Variants in LRP12 observed in about 807,000 individuals in gnomAD.
LRP12 encodes the protein low-density lipoprotein receptor-related protein 12.
In LRP12, 14 loss-of-function variants were observed where a neutral mutation model predicts 66.0. The observed-to-expected ratio is 0.21, with a 90% CI of 0.14 to 0.33. The LOEUF (loss-of-function observed/expected upper bound fraction) is 0.33. Ranked by LOEUF, LRP12 falls within the 10% of genes least tolerant of loss-of-function variation. The pLI, the probability that LRP12 is intolerant of heterozygous loss-of-function variation, is 1.00. For synonymous variants in LRP12, 357 were observed against 359.1 expected (o/e 0.99, Z 0.07); for missense variants, 889 against 1,053.4 (o/e 0.84, Z 2.16).
At chr8:104,548,656 T>TATTATATAATTAAATTAATTATATAATC (rs1288427732) in intron 1 of LRP12, among the ~76,000 whole-genome samples, 1 of 132,824 alleles carries the variant, frequency 7.5e-6, no homozygotes, top group South Asian at 2.3e-4. Flanking sequence ...ATTATATAAT[T>TATTATATAATTAAATTAATTATATAATC]ATTATATAAT....
At chr8:104,539,248 C>G (rs1258879089) in intron 1 of LRP12, among the ~76,000 whole-genome samples, 3 of 151,958 alleles carry the variant, frequency 2.0e-5, no homozygotes, top group African/African-American at 7.3e-5. Flanking sequence ...AATGGCATGG[C>G]ACTTATATTG....
Position 104,589,026 on chromosome 8 carries a change from C to G in LRP12, c.-129G>C. 1.9e-6 allele frequency: 1 copy of G among 525,460 alleles called. No individual in the cohort carries two copies. Among genetic ancestry groups the G allele is most frequent in the Non-Finnish European group, 3.0e-6 (1 of 334,836 alleles). The allele number at this position is 525,460 out of a possible 1,614,324, so 32.5% of individuals were successfully genotyped here. On this transcript the variant is annotated 5_prime_UTR_variant, in exon 1 of 7. Transcript: ENST00000276654. ...GCCACCGGCTGCTCCCTGCGCTCTC[C>G]GCGGCTGCGGGAGGGGGAAGGGAGG... is the stretch of plus-strand genomic sequence containing the variant.
chr8:104,519,716 C>T (rs1409990124), intron 2 of LRP12, among the ~76,000 whole-genome samples: 1 of 152,002 alleles, frequency 6.6e-6, no homozygotes, highest in Non-Finnish European at 1.5e-5. Flanking sequence ...CCATCACTCC[C>T]ACTTAGGACT....
At chr8:104,494,158 T>A (rs753881622) in intron 6 of LRP12, among the ~76,000 whole-genome samples, 13 of 151,216 alleles carry the variant, frequency 8.6e-5, no homozygotes, top group African/African-American at 3.2e-4. Flanking sequence ...GATTCTTACC[T>A]AAAAAAAAAC....
chr8:104,569,846 T>C (rs1008369720), intron 1 of LRP12, among the ~76,000 whole-genome samples: 3 of 152,048 alleles, frequency 2.0e-5, no homozygotes, highest in Admixed American at 6.5e-5. Flanking sequence ...AAAAGGTGTA[T>C]AGTTGGGAAA....
chr8:104,551,534 T>C (rs1002773402), intron 1 of LRP12, among the ~76,000 whole-genome samples: 1 of 152,114 alleles, frequency 6.6e-6, no homozygotes, highest in Non-Finnish European at 1.5e-5. Flanking sequence ...CTACCTCTAG[T>C]AGTCCCCAGT....
intron 1 of LRP12, 74 bp downstream of exon 1, chr8:104,588,745 C>T (rs893011819): frequency 1.5e-6 from 2 of 1,342,208 alleles, no homozygotes; most frequent in Non-Finnish European, 2.1e-6. Flanking sequence ...GGGGAACCCC[C>T]GTCCTGGAGG....
intron 1 of LRP12, among the ~76,000 whole-genome samples, chr8:104,557,483 C>G (rs1463669040): frequency 1.3e-5 from 2 of 151,336 alleles, no homozygotes; most frequent in African/African-American, 4.9e-5. Context: ...TATACACCAA[C>G]AGTAACCAGG....
At chr8:104,558,398 G>A (rs997244719) in intron 1 of LRP12, among the ~76,000 whole-genome samples, 1 of 152,138 alleles carries the variant, frequency 6.6e-6, no homozygotes, top group Non-Finnish European at 1.5e-5. Flanking sequence ...TAATTGGGAG[G>A]TCACATGTAG....
chr8:104,493,844 ACTGGAAGGT>A (rs1458294142), intron 6 of LRP12, among the ~76,000 whole-genome samples: 8 of 152,188 alleles, frequency 5.3e-5, no homozygotes, highest in Non-Finnish European at 1.2e-4. Flanking sequence ...GGAAAGGACA[ACTGGAAGGT>A]CCATGTTTGG....
chr8:104,537,680 C>T (rs1363592708), intron 1 of LRP12, among the ~76,000 whole-genome samples: 1 of 152,078 alleles, frequency 6.6e-6, no homozygotes, highest in Non-Finnish European at 1.5e-5. Context: ...AATAGTACAA[C>T]CACTTTGGAA....
chr8:104,546,386 G>A (rs1811557381), intron 1 of LRP12, among the ~76,000 whole-genome samples: 1 of 152,140 alleles, frequency 6.6e-6, no homozygotes, highest in African/African-American at 2.4e-5. Flanking sequence ...GCTCTCTGAT[G>A]TTCCCTTGTA....
chr8:104,496,541 A>G (rs1266879144), intron 5 of LRP12, among the ~76,000 whole-genome samples: 1 of 152,024 alleles, frequency 6.6e-6, no homozygotes, highest in Non-Finnish European at 1.5e-5. Context: ...ATCTTATTCC[A>G]TGCCCCAATT....
intron 1 of LRP12, among the ~76,000 whole-genome samples, chr8:104,542,579 G>A (rs1811494922): frequency 6.6e-6 from 1 of 152,054 alleles, no homozygotes; most frequent in African/African-American, 2.4e-5. Context: ...GTTGACCCCT[G>A]AACAACACAG....
At chr8:104,504,880 G>A (rs531787632) in intron 3 of LRP12, 1 of 152,318 alleles carries the variant, frequency 6.6e-6, no homozygotes, top group South Asian at 2.1e-4. Context: ...GAAATTTACT[G>A]CTGGTTTATT....
intron 1 of LRP12, among the ~76,000 whole-genome samples, chr8:104,538,729 T>C (rs1588496617): frequency 6.6e-6 from 1 of 152,114 alleles, no homozygotes; most frequent in Non-Finnish European, 1.5e-5. Context: ...TAACAGAACT[T>C]CCCACACGAT....
At chr8:104,540,061 C>T (rs1036838865) in intron 1 of LRP12, among the ~76,000 whole-genome samples, 4 of 152,178 alleles carry the variant, frequency 2.6e-5, no homozygotes, top group African/African-American at 9.6e-5. Flanking sequence ...TGAGTGAGAA[C>T]ATTTTCAGTG....
At chr8:104,580,440 G>C (rs1812232602) in intron 1 of LRP12, among the ~76,000 whole-genome samples, 1 of 151,162 alleles carries the variant, frequency 6.6e-6, no homozygotes, top group African/African-American at 2.4e-5. Context: ...TGAGGCAGGA[G>C]AATGGCATGA....
chr8:104,579,403 T>A (rs1298576282), intron 1 of LRP12, among the ~76,000 whole-genome samples: 2 of 152,084 alleles, frequency 1.3e-5, no homozygotes, highest in Admixed American at 1.3e-4. Context: ...AGGAGAACTA[T>A]AAAACTACGC....
Sources: allele counts gnomAD v4.1 joint callset (sites outside exome capture counted in the v4.1 genomes callset), GRCh38; gene constraint gnomAD v4.1.1; transcripts MANE v1.5; gene names NCBI Gene and HGNC (gene_info 2026-07-23, HGNC 2026-07-21).